SH2D4B: variants seen among roughly 807,000 people sequenced by gnomAD.
SH2D4B encodes SH2 domain-containing protein 4B.
Under a neutral mutation model 61.5 loss-of-function variants are expected in SH2D4B, and 45 were observed. The ratio of observed to expected loss-of-function variants is 0.73; its 90% confidence interval spans 0.58 to 0.94. The LOEUF is 0.94. SH2D4B is among the 40% of genes least tolerant of loss of function. The pLI is 0.00. For missense variants in SH2D4B, 572 were observed against 574.2 expected (o/e 1.00, Z 0.04); for synonymous variants, 224 against 220.4 (o/e 1.02, Z -0.14).
chr10:80,543,258 A>T (rs1168272810), intron 1 of SH2D4B, among the ~76,000 whole-genome samples: 5 of 151,748 alleles, frequency 3.3e-5, no homozygotes, highest in Non-Finnish European at 7.4e-5. Flanking sequence ...GCTTGCAGGG[A>T]GGTGTGGAGG....
At chr10:80,572,969 T>C (rs1842072306) in intron 3 of SH2D4B, among the ~76,000 whole-genome samples, 3 of 9,326 alleles carry the variant, frequency 3.2e-4, no homozygotes, top group African/African-American at 1.4e-3. Context: ...TATATATATA[T>C]ATATATATAT....
At chr10:80,613,710 C>T (rs1270201430) in intron 6 of SH2D4B, among the ~76,000 whole-genome samples, 2 of 152,176 alleles carry the variant, frequency 1.3e-5, no homozygotes, top group East Asian at 3.8e-4. Context: ...AGGATACTCC[C>T]CAGCCATGTA....
At chr10:80,570,048 A>G in intron 1 of SH2D4B, 106 bp from the exon 2 acceptor site, 1 of 1,358,252 alleles carries the variant, frequency 7.4e-7, no homozygotes, top group Non-Finnish European at 1.0e-6. Flanking sequence ...TGTGGATGAC[A>G]ATGTTCCATA....
At chr10:80,638,633 T>G (rs1840232181) in intron 7 of SH2D4B, among the ~76,000 whole-genome samples, 1 of 152,228 alleles carries the variant, frequency 6.6e-6, no homozygotes, top group African/African-American at 2.4e-5. Flanking sequence ...GGTGGTGATA[T>G]CCCCTTTATC....
chr10:80,634,415 T>G lies in SH2D4B; in HGVS notation c.1119T>G (p.Phe373Leu), dbSNP rs1842870897. The G allele has an allele frequency of 6.4e-7, 1 of 1,550,560 alleles. No individual in the cohort carries two copies. Among genetic ancestry groups the G allele is most frequent in the Admixed American group, 2.0e-5 (1 of 51,006 alleles). Residue 373 changes from phenylalanine (F) to leucine (L), a missense_variant, in exon 7 of 8, where the codon TTT becomes TTG. By Grantham distance (22) the Phe-to-Leu change is conservative (BLOSUM62 0). Coordinates refer to ENST00000646907, the MANE Select transcript of SH2D4B (RefSeq NM_001388272.1). ...SYRLQKGFKH[F>L]LVDASGDFYS... ...GCCTGCAGAAAGGGTTCAAACACTT[T>G]CTTGTGGATGCTTCTGGGGATTTTT...
At chr10:80,603,875 G>C (rs1842484410) in intron 5 of SH2D4B, 80 bp downstream of exon 5, 4 of 1,298,014 alleles carry the variant, frequency 3.1e-6, no homozygotes, top group East Asian at 5.0e-5. Context: ...CCCGTCCCGG[G>C]TCTGCCCCAG....
At chr10:80,564,816 G>T (rs892391392) in intron 1 of SH2D4B, among the ~76,000 whole-genome samples, 3 of 152,120 alleles carry the variant, frequency 2.0e-5, no homozygotes, top group Admixed American at 1.3e-4. Context: ...CATTAATTTT[G>T]TGGCTTAAGC....
chr10:80,607,999 C>A (rs554286179), intron 5 of SH2D4B, among the ~76,000 whole-genome samples: 3 of 152,258 alleles, frequency 2.0e-5, no homozygotes, highest in East Asian at 3.9e-4. Context: ...TGGGTTCAAG[C>A]GATTCTCCCG....
chr10:80,562,105 A>G (rs1400111022), intron 1 of SH2D4B, among the ~76,000 whole-genome samples: 2 of 151,420 alleles, frequency 1.3e-5, no homozygotes, highest in African/African-American at 2.4e-5. Flanking sequence ...CTCCCTGCCC[A>G]CAGCCCCCAT....
intron 5 of SH2D4B, among the ~76,000 whole-genome samples, chr10:80,608,606 A>G (rs1248230189): frequency 1.3e-5 from 2 of 152,052 alleles, no homozygotes; most frequent in Non-Finnish European, 2.9e-5. Flanking sequence ...CACGAAAGCA[A>G]TGACGAGCTT....
intron 3 of SH2D4B, among the ~76,000 whole-genome samples, chr10:80,582,721 T>TGAGGG (rs1842197083): frequency 1.3e-5 from 2 of 152,200 alleles, no homozygotes; most frequent in African/African-American, 4.8e-5. Context: ...TGGCCACTCC[T>TGAGGG]GAGGGGAGAC....
At chr10:80,641,350 A>T (rs1232661354) in intron 7 of SH2D4B, among the ~76,000 whole-genome samples, 2 of 152,372 alleles carry the variant, frequency 1.3e-5, no homozygotes, top group East Asian at 1.9e-4. Context: ...GGGACGTTTA[A>T]GTGCAGAAGT....
intron 7 of SH2D4B, among the ~76,000 whole-genome samples, chr10:80,638,673 C>A (rs935866018): frequency 6.6e-6 from 1 of 152,072 alleles, no homozygotes; most frequent in African/African-American, 2.4e-5. Context: ...TGATTATTCT[C>A]TCTTTTCTTC....
intron 1 of SH2D4B, among the ~76,000 whole-genome samples, chr10:80,548,150 G>A (rs981699199): frequency 2.6e-5 from 4 of 152,120 alleles, no homozygotes; most frequent in Admixed American, 6.5e-5. Context: ...ATTCTAAGGT[G>A]GGAAATAGTG....
Position 80,634,300 on chromosome 10 carries a change from A to G in SH2D4B, c.1004A>G (p.Glu335Gly). The G allele has an allele frequency of 6.6e-7, 1 of 1,506,214 alleles. No individual in the cohort carries two copies. Among genetic ancestry groups the G allele is most frequent in the Non-Finnish European group, 8.9e-7 (1 of 1,124,444 alleles). The allele number at this position is 1,506,214 out of a possible 1,614,324, so 93.3% of individuals were successfully genotyped here. A position where few individuals can be genotyped will look rare whatever the true frequency, so the allele number is the denominator to read the frequency against. ...TTTAAATCAGGAATTATTAGCCGAG[A>G]AGATGCAGAAGCTCTCCTGGAGAAC... ...APWFHGIISR[E>G]DAEALLENMT... The change falls in exon 7 of 8, where the codon GAA becomes GGA. Residue 335 changes from glutamate to glycine, a missense_variant. Physicochemically the swap from Glu to Gly is moderately conservative, Grantham distance 98 (BLOSUM62 -2). Coordinates refer to ENST00000646907, the MANE Select transcript of SH2D4B (RefSeq NM_001388272.1).
chr10:80,560,359 T>C (rs918680672), intron 1 of SH2D4B, among the ~76,000 whole-genome samples: 8 of 151,780 alleles, frequency 5.3e-5, no homozygotes, highest in Admixed American at 1.3e-4. Flanking sequence ...AGGAATTATT[T>C]ATATATTCTT....
intron 6 of SH2D4B, among the ~76,000 whole-genome samples, chr10:80,616,814 A>G (rs1842666322): frequency 6.6e-6 from 1 of 152,260 alleles, no homozygotes; most frequent in Non-Finnish European, 1.5e-5. Context: ...AACCTTGAAC[A>G]TCCAGTATTT....
At chr10:80,625,937 A>C (rs1273848902) in intron 6 of SH2D4B, among the ~76,000 whole-genome samples, 1 of 152,172 alleles carries the variant, frequency 6.6e-6, no homozygotes, top group African/African-American at 2.4e-5. Flanking sequence ...ACAGACAGGG[A>C]AGGCTGACTC....
At chr10:80,570,381 G>C (rs1028904503) in intron 2 of SH2D4B, 65 bp downstream of exon 2, 63 of 1,549,196 alleles carry the variant, frequency 4.1e-5, no homozygotes, top group Non-Finnish European at 5.3e-5. Context: ...CCCCACGCAC[G>C]GCTAATTTTT....
Sources: allele counts gnomAD v4.1 joint callset (sites outside exome capture counted in the v4.1 genomes callset), GRCh38; gene constraint gnomAD v4.1.1; transcripts MANE v1.5; gene names NCBI Gene and HGNC (gene_info 2026-07-23, HGNC 2026-07-21).